Variants in CDH18 observed in about 807,000 individuals in gnomAD.
CDH18 encodes cadherin-18.
CDH18 carries 31 observed loss-of-function variants against 67.9 expected under a neutral mutation model. That is an observed-to-expected ratio of 0.46 (90% confidence interval 0.34 to 0.62). The LOEUF (loss-of-function observed/expected upper bound fraction) is 0.62, where lower values mean the gene tolerates loss of function less well. CDH18 is among the 20% of genes least tolerant of loss of function. The probability of loss-of-function intolerance (pLI) is 0.01; values close to 1 mark genes in which losing one functional copy is unlikely to be tolerated. For missense variants in CDH18, 890 were observed against 975.5 expected, an observed-to-expected ratio of 0.91 and a Z score of 1.17; for synonymous variants, 362 against 347.2, an observed-to-expected ratio of 1.04 and a Z score of -0.48.
intron 5 of CDH18, among the ~76,000 whole-genome samples, chr5:19,644,939 A>G (rs148025320): frequency 1.7e-3 from 254 of 152,334 alleles, no homozygotes; most frequent in African/African-American, 5.8e-3. Flanking sequence ...GAGAATGCCC[A>G]GGTTTTTCCA....
At chr5:19,844,188 C>T (rs536441458) in intron 2 of CDH18, among the ~76,000 whole-genome samples, 2 of 152,120 alleles carry the variant, frequency 1.3e-5, no homozygotes, top group South Asian at 2.1e-4. Flanking sequence ...ACAAGATTTG[C>T]AAGGGGTCAG....
At chr5:20,334,743 C>G (rs370629438) in intron 1 of CDH18, among the ~76,000 whole-genome samples, 1 of 136,248 alleles carries the variant, frequency 7.3e-6, no homozygotes, top group Non-Finnish European at 1.5e-5. Flanking sequence ...CTCTCTCTCT[C>G]TCTCTCTCAT....
At chr5:19,710,047 A>C (rs1476727115) in intron 5 of CDH18, among the ~76,000 whole-genome samples, 1 of 152,102 alleles carries the variant, frequency 6.6e-6, no homozygotes, top group Non-Finnish European at 1.5e-5. Context: ...AGGCAGGAGA[A>C]TTGTTTGAAC....
At chr5:20,303,604 C>T (rs1357085778) in intron 1 of CDH18, among the ~76,000 whole-genome samples, 1 of 152,028 alleles carries the variant, frequency 6.6e-6, no homozygotes, top group Non-Finnish European at 1.5e-5. Context: ...TCTCACACGT[C>T]GGCTGAGCCC....
intron 11 of CDH18, among the ~76,000 whole-genome samples, chr5:19,494,294 AAATT>A (rs1397421518): frequency 6.6e-6 from 1 of 152,126 alleles, no homozygotes; most frequent in East Asian, 1.9e-4. Flanking sequence ...GTGTGTTTTC[AAATT>A]CTTTATTGTT....
At chr5:20,043,789 A>G (rs548621851) in intron 2 of CDH18, among the ~76,000 whole-genome samples, 4 of 152,208 alleles carry the variant, frequency 2.6e-5, no homozygotes, top group Non-Finnish European at 5.9e-5. Context: ...AAGGCAGCTG[A>G]TATTTTTCCT....
intron 3 of CDH18, among the ~76,000 whole-genome samples, chr5:19,807,691 C>A (rs988652953): frequency 5.9e-5 from 9 of 152,172 alleles, no homozygotes; most frequent in African/African-American, 2.2e-4. Context: ...TTCCCAATGA[C>A]CACACAAAAC....
chr5:20,277,969 A>G (rs1014380459), intron 1 of CDH18, among the ~76,000 whole-genome samples: 7 of 152,142 alleles, frequency 4.6e-5, no homozygotes, highest in African/African-American at 1.7e-4. Context: ...ACACAGTCGG[A>G]GGAGAAAAAT....
chr5:19,754,249 T>C (rs773162210), intron 3 of CDH18, among the ~76,000 whole-genome samples: 1 of 152,170 alleles, frequency 6.6e-6, no homozygotes, highest in Non-Finnish European at 1.5e-5. Flanking sequence ...ACCAAGTATC[T>C]GTTGCCTTCA....
intron 8 of CDH18, among the ~76,000 whole-genome samples, chr5:19,570,287 A>G (rs1241278428): frequency 1.3e-5 from 2 of 152,136 alleles, no homozygotes; most frequent in Admixed American, 6.6e-5. Context: ...AACTTGGTTT[A>G]TGCATATTAT....
chr5:20,327,236 T>G (rs549102108), intron 1 of CDH18, among the ~76,000 whole-genome samples: 2 of 152,342 alleles, frequency 1.3e-5, no homozygotes, highest in South Asian at 4.1e-4. Flanking sequence ...CTGCTTTCTT[T>G]TAGTTCCTAA....
rs1778056442 is a variant in CDH18, at chr5:19,806,617, A to G, written c.228+32142T>C. On this transcript the variant is annotated intron_variant, in intron 3 of 12. Transcript: ENST00000382275. ...TAGATACTTAATACATGTTACAAGT[A>G]TGTCTCAGGGGAGTTGTCCTGAATT... Among the ~76,000 whole-genome samples the G allele has an allele frequency of 5.9e-5, 9 of 152,214 alleles. No homozygotes were observed. The South Asian group carries it at 1.9e-3, about 31-fold the overall frequency.
chr5:19,658,703 C>A (rs1325808611), intron 5 of CDH18, among the ~76,000 whole-genome samples: 1 of 151,018 alleles, frequency 6.6e-6, no homozygotes, highest in Non-Finnish European at 1.5e-5. Context: ...GCACAACTTG[C>A]AGGTTTGTTA....
chr5:19,519,173 C>CT (rs528051932), intron 10 of CDH18, among the ~76,000 whole-genome samples: 6 of 152,044 alleles, frequency 3.9e-5, no homozygotes, highest in Non-Finnish European at 8.8e-5. Context: ...TAAATAAGCC[C>CT]TTTTAAATGT....
intron 5 of CDH18, among the ~76,000 whole-genome samples, chr5:19,703,510 AC>A (rs1402451704): frequency 1.3e-5 from 2 of 151,980 alleles, no homozygotes; most frequent in Admixed American, 1.3e-4. Flanking sequence ...ACCCTTCTGC[AC>A]CCCCTCATTA....
chr5:20,087,777 A>T (rs1745100238), intron 2 of CDH18, among the ~76,000 whole-genome samples: 1 of 152,148 alleles, frequency 6.6e-6, no homozygotes, highest in African/African-American at 2.4e-5. Flanking sequence ...AAGACAAATA[A>T]TTTTTGTGGC....
chr5:20,397,665 T>C (rs546938629), intron 1 of CDH18, among the ~76,000 whole-genome samples: 9 of 152,278 alleles, frequency 5.9e-5, no homozygotes, highest in African/African-American at 1.9e-4. Flanking sequence ...TTTGTAACGT[T>C]ATATTTTCTA....
At chr5:19,513,707 T>A (rs1194090511) in intron 10 of CDH18, among the ~76,000 whole-genome samples, 1 of 152,150 alleles carries the variant, frequency 6.6e-6, no homozygotes, top group Non-Finnish European at 1.5e-5. Flanking sequence ...AAATTTCCTG[T>A]TAGTTATGGC....
intron 1 of CDH18, among the ~76,000 whole-genome samples, chr5:20,418,004 A>T (rs1454482437): frequency 6.6e-6 from 1 of 152,192 alleles, no homozygotes; most frequent in Non-Finnish European, 1.5e-5. Context: ...TTCACACTAC[A>T]GAAATGAGGA....
Sources: gnomAD v4.1 joint callset for allele counts (sites outside exome capture counted in the v4.1 genomes callset) on GRCh38, gnomAD v4.1.1 for gene constraint, MANE v1.5 for transcripts, NCBI Gene and HGNC (gene_info 2026-07-23, HGNC 2026-07-21) for gene names.